The following ARHGAP32 variants were observed in gnomAD, a reference collection of about 807,000 sequenced individuals.
ARHGAP32 encodes the protein rho GTPase-activating protein 32.
A neutral mutation model predicts 186.5 loss-of-function variants in ARHGAP32; 51 were observed. That is an observed-to-expected ratio of 0.27 (90% CI 0.22 to 0.35). The LOEUF is 0.35. ARHGAP32 is among the 10% of genes least tolerant of loss of function. The pLI, the probability that ARHGAP32 is intolerant of heterozygous loss-of-function variation, is 1.00. For synonymous variants in ARHGAP32, 950 were observed against 964.3 expected, an observed-to-expected ratio of 0.99 and a Z score of 0.27; for missense variants, 2,186 against 2,623.5, an observed-to-expected ratio of 0.83 and a Z score of 3.64.
upstream of ARHGAP32, among the ~76,000 whole-genome samples, chr11:129,192,415 T>TC (rs532097015): frequency 2.9e-4 from 44 of 152,230 alleles, 1 homozygote; most frequent in Admixed American, 1.5e-3. Context: ...ACCTAGACCC[T>TC]CCCACTGCCT....
chr11:129,074,679 G>T (rs1940980650), intron 6 of ARHGAP32, among the ~76,000 whole-genome samples: 1 of 151,294 alleles, frequency 6.6e-6, no homozygotes, highest in African/African-American at 2.5e-5. Context: ...ATTTTTAGTA[G>T]AGACAGGTTT....
intron 12 of ARHGAP32, among the ~76,000 whole-genome samples, chr11:128,994,738 T>A (rs1007676829): frequency 2.0e-5 from 3 of 152,224 alleles, no homozygotes; most frequent in African/African-American, 7.2e-5. Flanking sequence ...TTTTAGTTAA[T>A]AAACTTCAAA....
chr11:128,984,774 GTATC>G (rs1343938347), intron 15 of ARHGAP32, among the ~76,000 whole-genome samples: 1 of 152,060 alleles, frequency 6.6e-6, no homozygotes, highest in Non-Finnish European at 1.5e-5. Context: ...ATACATATAA[GTATC>G]TATAGTCAAG....
At chr11:128,987,773 A>G (rs1670914653) in intron 13 of ARHGAP32, among the ~76,000 whole-genome samples, 1 of 152,176 alleles carries the variant, frequency 6.6e-6, no homozygotes. Context: ...TCAATTTGTT[A>G]AAATCTTCAA....
chr11:129,102,101 A>C (rs1418251586), intron 5 of ARHGAP32, among the ~76,000 whole-genome samples: 1 of 152,202 alleles, frequency 6.6e-6, no homozygotes, highest in Non-Finnish European at 1.5e-5. Context: ...TGGTGAAACT[A>C]AGCTTCATAA....
intron 2 of ARHGAP32, chr11:129,125,874 C>T (rs1238300509): frequency 2.3e-6 from 1 of 440,720 alleles, no homozygotes; most frequent in Non-Finnish European, 4.5e-6. Context: ...TATATTTTTA[C>T]TCCTTCTTAG....
At chr11:129,142,168 G>C (rs897856295) in intron 2 of ARHGAP32, among the ~76,000 whole-genome samples, 2 of 152,078 alleles carry the variant, frequency 1.3e-5, no homozygotes, top group Non-Finnish European at 2.9e-5. Flanking sequence ...CCCCTCTCAA[G>C]GCAGAAAAAG....
chr11:129,041,170 A>C (rs1356564827), intron 10 of ARHGAP32, among the ~76,000 whole-genome samples, 161 bp from the exon 11 acceptor site: 1 of 152,236 alleles, frequency 6.6e-6, no homozygotes, highest in East Asian at 1.9e-4. Context: ...CAAACAAATA[A>C]TAAAACAATC....
At chr11:129,214,936 C>G (rs1944627045) in intron 1 of ARHGAP32, among the ~76,000 whole-genome samples, 1 of 152,050 alleles carries the variant, frequency 6.6e-6, no homozygotes, top group Non-Finnish European at 1.5e-5. Context: ...CTTTATTGAC[C>G]AAAACAAGCA....
chr11:129,209,471 T>C (rs1944553511), intron 1 of ARHGAP32, among the ~76,000 whole-genome samples: 1 of 151,686 alleles, frequency 6.6e-6, no homozygotes, highest in Non-Finnish European at 1.5e-5. Context: ...AAAAGTAGGA[T>C]TCTAAATACA....
rs771668071 is a variant in ARHGAP32, at chr11:128,972,849, G to A, written c.3657C>T (p.Pro1219=). 6.2e-6 allele frequency: 10 copies of A among 1,613,838 alleles called. No individual in the cohort carries two copies. In the Admixed American group the frequency reaches 8.3e-5, roughly 13 times the overall value. ...VSFLDQDQSP[P]RFYSGDQPPS... is the part of the protein sequence containing the mutation. ...GAGGCTGATCTCCACTGTAGAAACG[G>A]GGTGGAGACTGGTCCTGATCCAAGA... The change falls in exon 22 of 23, where the codon CCC becomes CCT. Residue 1219 remains proline, a synonymous_variant. Transcript: ENST00000682385.
chr11:129,170,710 G>A (rs188660109), intron 1 of ARHGAP32, among the ~76,000 whole-genome samples: 45 of 152,254 alleles, frequency 3.0e-4, no homozygotes, highest in Non-Finnish European at 6.5e-4. Context: ...AGGTCAAATG[G>A]TATTTCTGGT....
At chr11:129,239,496 T>C (rs1206978419) in intron 1 of ARHGAP32, among the ~76,000 whole-genome samples, 2 of 152,138 alleles carry the variant, frequency 1.3e-5, no homozygotes, top group Admixed American at 6.5e-5. Context: ...TTTTCCAAAC[T>C]AGCATTACAC....
rs145004134 is a variant in ARHGAP32 at position 129,079,167 on chromosome 11, T to C, written c.532-12299A>G. The stretch of plus-strand genomic sequence containing the variant: ...GTATTCCCAAGAAATGAGAGAAATC[T>C]AAAGGTTTGGAAAACATATTTGAGG... On this transcript the variant is annotated intron_variant, in intron 6 of 22. Transcript: ENST00000682385. Among the ~76,000 whole-genome samples the C allele has an allele frequency of 1.4e-3, 207 of 152,336 alleles. 1 individual carries two copies. The highest frequency in any genetic ancestry group is 4.8e-3 in the African/African-American group (201 of 41,580).
In ARHGAP32 at chr11:128,970,587, G is replaced by A; in HGVS notation, c.4626C>T (p.Ala1542=). Residue 1542 remains alanine (A), a synonymous_variant, in exon 23 of 23, where the codon GCC becomes GCT. Transcript: ENST00000682385. This position sits in a 1 kb window ranked among gnomAD's most constrained non-coding sequence, Gnocchi z 5.8. ...QVYGARSEPP[A]SMGLRYNTYV... ...ATGTGTTATAACGAAGACCCATGGAGGCTGGTGGCTCTGACCTGGCACCAT... is the reference window on the plus strand; with the variant it reads ...ATGTGTTATAACGAAGACCCATGGAAGCTGGTGGCTCTGACCTGGCACCAT... 1 of 1,614,176 alleles carries A rather than the reference G, an allele frequency of 6.2e-7. No homozygotes were observed. Among genetic ancestry groups the A allele is most frequent in the South Asian group, 1.1e-5 (1 of 91,078 alleles).
chr11:129,194,584 G>A (rs1944365912), upstream of ARHGAP32, among the ~76,000 whole-genome samples: 1 of 152,090 alleles, frequency 6.6e-6, no homozygotes, highest in Non-Finnish European at 1.5e-5. Flanking sequence ...ATCTATGGAA[G>A]AAGAGGATCA....
chr11:129,112,376 T>C (rs1942246130), intron 5 of ARHGAP32, among the ~76,000 whole-genome samples: 2 of 152,232 alleles, frequency 1.3e-5, no homozygotes, highest in African/African-American at 2.4e-5. Context: ...CTTGGCCTTT[T>C]TGAATTGTAT....
At chr11:128,997,702 A>G (rs1946238892) in intron 12 of ARHGAP32, among the ~76,000 whole-genome samples, 2 of 152,208 alleles carry the variant, frequency 1.3e-5, no homozygotes, top group Admixed American at 1.3e-4. Flanking sequence ...AGGAATATAG[A>G]TTCCTATAAA....
rs1944867534 is a variant in ARHGAP32 at position 129,232,098 on chromosome 11, C to T, written c.-5+47048G>A. On this transcript the variant is annotated intron_variant, in intron 1 of 6. Transcript: ENST00000525234. ...CTCCCTCTACTCACTTCTCTGTTCC[C>T]ATTTCTTCCTTCCCACAGGTGTTGA... 2.7e-5 allele frequency among the ~76,000 whole-genome samples: 4 copies of T among 150,372 alleles called. No homozygotes were observed. The South Asian group carries it at 8.4e-4, about 32-fold the overall frequency.
Sources: gnomAD v4.1 joint callset for allele counts (sites outside exome capture counted in the v4.1 genomes callset) on GRCh38, gnomAD v4.1.1 for gene constraint, Gnocchi (gnomAD v3.1) non-coding constraint, MANE v1.5 for transcripts, NCBI Gene and HGNC (gene_info 2026-07-23, HGNC 2026-07-21) for gene names.